Variants in NAALADL2 observed in about 807,000 individuals in gnomAD.
NAALADL2 encodes N-acetylated alpha-linked acidic dipeptidase like 2.
NAALADL2 carries 76 observed loss-of-function variants against 87.2 expected under a neutral mutation model. That is an observed-to-expected ratio of 0.87 (90% CI 0.72 to 1.05). The LOEUF is 1.05. NAALADL2 is among the 50% of genes least tolerant of loss of function. The probability of loss-of-function intolerance (pLI) is 0.00; values close to 1 mark genes in which losing one functional copy is unlikely to be tolerated. For synonymous variants in NAALADL2, 354 were observed against 331.0 expected (o/e 1.07, Z -0.75); for missense variants, 1,089 against 945.8 (o/e 1.15, Z -1.99).
intron 5 of NAALADL2, among the ~76,000 whole-genome samples, chr3:175,377,006 TAAA>T (rs112464583): frequency 1.3e-4 from 17 of 128,600 alleles, no homozygotes; most frequent in African/African-American, 5.0e-4. Context: ...GGCCTTCTTT[TAAA>T]AAAAAAAAAT....
chr3:175,286,462 A>G (rs1754990957), intron 4 of NAALADL2, among the ~76,000 whole-genome samples: 1 of 152,202 alleles, frequency 6.6e-6, no homozygotes, highest in East Asian at 1.9e-4. Flanking sequence ...AAAGGATTTT[A>G]CAACAGAGAC....
chr3:175,365,570 T>C (rs1163042281), intron 5 of NAALADL2, among the ~76,000 whole-genome samples: 1 of 147,486 alleles, frequency 6.8e-6, no homozygotes, highest in Admixed American at 7.0e-5. Flanking sequence ...ATTTTGTGGA[T>C]TTTTCTGATT....
chr3:174,966,036 G>A (rs1022662905), intron 1 of NAALADL2, among the ~76,000 whole-genome samples: 3 of 152,070 alleles, frequency 2.0e-5, no homozygotes, highest in Non-Finnish European at 4.4e-5. Context: ...ATAAATATAA[G>A]TGAATCCAGT....
At chr3:175,061,081 T>C (rs1462729150) in intron 1 of NAALADL2, among the ~76,000 whole-genome samples, 1 of 152,148 alleles carries the variant, frequency 6.6e-6, no homozygotes, top group East Asian at 1.9e-4. Flanking sequence ...AGAAGCATAA[T>C]GTATTTGTAA....
chr3:175,261,754 G>T (rs1461511100), intron 4 of NAALADL2, among the ~76,000 whole-genome samples: 1 of 151,896 alleles, frequency 6.6e-6, no homozygotes, highest in Non-Finnish European at 1.5e-5. Flanking sequence ...AAACATTTTT[G>T]TGTATTCATC....
At chr3:175,060,637 G>A (rs1370216391) in intron 1 of NAALADL2, among the ~76,000 whole-genome samples, 1 of 152,060 alleles carries the variant, frequency 6.6e-6, no homozygotes, top group Non-Finnish European at 1.5e-5. Context: ...TACTATCTGG[G>A]CATTAAAGCC....
intron 10 of NAALADL2, among the ~76,000 whole-genome samples, chr3:175,602,745 G>A (rs925871885): frequency 1.3e-5 from 2 of 152,108 alleles, no homozygotes; most frequent in African/African-American, 4.8e-5. Flanking sequence ...TGTGGGAACT[G>A]GAAAGAGGCT....
At position 174,468,860 on chromosome 3, in the gene NAALADL2, T is replaced by C. The variant is rs367789333; in HGVS notation, c.-184+27828T>C. Reference sequence around the variant, plus strand: ...TCACTGCAGTCTCCGCCTCCCGGGTTCAAGCTGTTCTCCTGCCTTAGCCTT... The same window carrying C: ...TCACTGCAGTCTCCGCCTCCCGGGTCCAAGCTGTTCTCCTGCCTTAGCCTT... On this transcript the variant is annotated intron_variant, in intron 1 of 3. Transcript: ENST00000434257. Among the ~76,000 whole-genome samples the C allele has an allele frequency of 3.0e-3, 459 of 151,614 alleles. 2 individuals are homozygous for C. Among genetic ancestry groups the C allele is most frequent in the Middle Eastern group, 0.01 (3 of 290 alleles).
At chr3:174,915,167 A>G (rs1022191688) in intron 1 of NAALADL2, among the ~76,000 whole-genome samples, 10 of 152,144 alleles carry the variant, frequency 6.6e-5, no homozygotes, top group Admixed American at 1.3e-4. Flanking sequence ...AACATTTTTC[A>G]TGGTCAATTG....
intron 4 of NAALADL2, among the ~76,000 whole-genome samples, chr3:175,263,979 A>G (rs955870095): frequency 6.6e-6 from 1 of 151,814 alleles, no homozygotes; most frequent in African/African-American, 2.4e-5. Context: ...CTCTTCTTTC[A>G]CATTTCAGCT....
At chr3:175,208,857 G>T (rs1372010335) in intron 2 of NAALADL2, among the ~76,000 whole-genome samples, 1 of 152,150 alleles carries the variant, frequency 6.6e-6, no homozygotes, top group East Asian at 1.9e-4. Context: ...TTTATTCCTT[G>T]AGGATTATAC....
chr3:174,451,730 T>G (rs1356455805), intron 1 of NAALADL2, among the ~76,000 whole-genome samples: 1 of 152,146 alleles, frequency 6.6e-6, no homozygotes, highest in African/African-American at 2.4e-5. Flanking sequence ...CCTTTACTCA[T>G]TTTTACAAAA....
At chr3:175,164,692 T>C (rs1733735237) in intron 2 of NAALADL2, among the ~76,000 whole-genome samples, 1 of 152,174 alleles carries the variant, frequency 6.6e-6, no homozygotes, top group Non-Finnish European at 1.5e-5. Flanking sequence ...CTATGGTAAA[T>C]TCTTAAAGTG....
At chr3:175,626,289 T>C (rs1726971126) in intron 10 of NAALADL2, among the ~76,000 whole-genome samples, 2 of 152,010 alleles carry the variant, frequency 1.3e-5, no homozygotes, top group African/African-American at 4.8e-5. Context: ...TTTTGTATTT[T>C]TAATACAAAT....
At chr3:174,716,356 G>A (rs1731188757) in intron 2 of NAALADL2, among the ~76,000 whole-genome samples, 1 of 151,922 alleles carries the variant, frequency 6.6e-6, no homozygotes, top group Admixed American at 6.6e-5. Flanking sequence ...GTTTTGTTTT[G>A]TTTTTCCACC....
chr3:175,432,399 T>C (rs967453015), intron 5 of NAALADL2, among the ~76,000 whole-genome samples: 1 of 152,064 alleles, frequency 6.6e-6, no homozygotes, highest in Non-Finnish European at 1.5e-5. Context: ...TCCCCTTTGA[T>C]GGTACTAATT....
intron 2 of NAALADL2, among the ~76,000 whole-genome samples, chr3:175,165,525 G>A (rs1437700297): frequency 6.6e-6 from 1 of 152,086 alleles, no homozygotes; most frequent in East Asian, 1.9e-4. Flanking sequence ...TTACATTTGT[G>A]TATCAAATCT....
At chr3:175,109,836 C>T (rs1032174738) in intron 2 of NAALADL2, among the ~76,000 whole-genome samples, 10 of 151,726 alleles carry the variant, frequency 6.6e-5, no homozygotes, top group South Asian at 6.2e-4. Flanking sequence ...ACAAAACAAA[C>T]GAACCCACTC....
At chr3:174,991,896 A>G (rs915367834) in intron 1 of NAALADL2, among the ~76,000 whole-genome samples, 1 of 152,104 alleles carries the variant, frequency 6.6e-6, no homozygotes, top group Non-Finnish European at 1.5e-5. Flanking sequence ...TCTTGTCTTG[A>G]TTGAAAATCC....
Sources: allele counts gnomAD v4.1 joint callset (sites outside exome capture counted in the v4.1 genomes callset), GRCh38; gene constraint gnomAD v4.1.1; transcripts MANE v1.5; gene names NCBI Gene and HGNC (gene_info 2026-07-23, HGNC 2026-07-21).